USP32: variants seen among roughly 807,000 people sequenced by gnomAD.
The protein encoded by USP32 is ubiquitin specific peptidase 32.
A neutral mutation model predicts 204.8 loss-of-function variants in USP32; 59 were observed. The ratio of observed to expected loss-of-function variants is 0.29; its 90% confidence interval spans 0.23 to 0.36. The LOEUF is 0.36. Ranked by LOEUF, USP32 falls within the 10% of genes least tolerant of loss-of-function variation. The pLI is 1.00. For synonymous variants in USP32, 517 were observed against 678.4 expected (o/e 0.76, Z 3.70); for missense variants, 1,160 against 1,946.4 (o/e 0.60, Z 7.60).
At chr17:60,226,644 A>G (rs1598098268) in intron 12 of USP32, among the ~76,000 whole-genome samples, 1 of 152,342 alleles carries the variant, frequency 6.6e-6, no homozygotes, top group Admixed American at 6.5e-5. Context: ...AAAATATCAC[A>G]TGTACTCAGA....
chr17:60,194,884 A>C (rs535425974), intron 27 of USP32, among the ~76,000 whole-genome samples: 6 of 152,106 alleles, frequency 3.9e-5, no homozygotes, highest in African/African-American at 1.4e-4. Flanking sequence ...CTCTTTACCC[A>C]CTGTCCCTGA....
rs138207619 is a variant in USP32, at chr17:60,205,645, C to T, written c.3051G>A (p.Ser1017=). Residue 1017 remains serine, a synonymous_variant, in exon 26 of 34, where the codon TCG becomes TCA. Transcript: ENST00000300896. ...SSPTQTDFSS[S]PSTNEMFTLT... ...GGGTGAACATTTCATTTGTAGATGG[C>T]GAAGAGGAGAAATCTACAAATTCAA... 1.6e-3 allele frequency: 2,560 copies of T among 1,613,722 alleles called. 38 individuals carry two copies. In the African/African-American group the frequency reaches 0.028, roughly 18 times the overall value.
rs2084810124 is a variant in USP32 at position 60,205,781 on chromosome 17, A to G, written c.3038-123T>C. 4 of 1,133,898 alleles carry G rather than the reference A, an allele frequency of 3.5e-6. No homozygotes were observed. The African/African-American group carries it at 4.8e-5, about 13-fold the overall frequency. 70.2% of individuals were successfully genotyped at this position (1,133,898 alleles called of 1,614,324 possible). ...TTAACACAGGGCAGGGAGAAATCAC[A>G]GTATAAATAATTCTAGATTTATTGG... On this transcript the variant is annotated intron_variant, in intron 25 of 33. Coordinates refer to ENST00000300896, the MANE Select transcript of USP32 (RefSeq NM_032582.4).
chr17:60,179,383 A>G lies in USP32; in HGVS notation c.4687T>C (p.Phe1563Leu), dbSNP rs1365626731. 1 of 1,613,056 alleles carries G rather than the reference A, an allele frequency of 6.2e-7. No individual in the cohort carries two copies. The highest frequency in any genetic ancestry group is 1.3e-5 in the African/African-American group (1 of 74,892). ...TAGTCTATCCCCTGCTGCTCATAGA[A>G]AAGAATGTAGGCAGAGTCGGTGTCA... ...EIDTDSAYIL[F>L]YEQQGIDYAQ... The change falls in exon 34 of 34, where the codon TTC becomes CTC. Residue 1563 changes from phenylalanine (F) to leucine (L), a missense_variant. Around this residue, in one of 8 missense-constraint regions of USP32, gnomAD observed 244 missense variants for 342.3 expected, o/e 0.71. Transcript: ENST00000300896.
intron 2 of USP32, among the ~76,000 whole-genome samples, chr17:60,341,241 G>A (rs1226923161): frequency 6.6e-6 from 1 of 152,046 alleles, no homozygotes; most frequent in Non-Finnish European, 1.5e-5. Flanking sequence ...AAGTTCTCCT[G>A]GATAATATCC....
At chr17:60,332,242 G>A (rs1020982870) in intron 2 of USP32, among the ~76,000 whole-genome samples, 2 of 151,874 alleles carry the variant, frequency 1.3e-5, no homozygotes, top group Non-Finnish European at 2.9e-5. Context: ...GACAGAGCGA[G>A]ATGCTGTCTC....
intron 29 of USP32, among the ~76,000 whole-genome samples, chr17:60,187,594 C>CA (rs2084281541): frequency 6.6e-6 from 1 of 152,172 alleles, no homozygotes; most frequent in Non-Finnish European, 1.5e-5. Context: ...ACTTTATGGC[C>CA]AACCACAAAT....
intron 18 of USP32, 77 bp downstream of exon 18, chr17:60,213,504 T>C (rs1480628601): frequency 4.7e-6 from 3 of 644,028 alleles, no homozygotes; most frequent in East Asian, 2.9e-5. Flanking sequence ...TGGAGAAAAT[T>C]ATAAAATGGG....
intron 2 of USP32, among the ~76,000 whole-genome samples, chr17:60,334,548 C>G (rs914353566): frequency 1.3e-5 from 2 of 150,586 alleles, no homozygotes; most frequent in Admixed American, 6.6e-5. Flanking sequence ...AAAAATTAGC[C>G]GGGCGTGGTT....
At chr17:60,257,845 T>C (rs963563853) in intron 9 of USP32, among the ~76,000 whole-genome samples, 1 of 152,056 alleles carries the variant, frequency 6.6e-6, no homozygotes, top group African/African-American at 2.4e-5. Flanking sequence ...GGAGTTCTGC[T>C]GGTTATCAGT....
At chr17:60,337,549 T>C (rs910001921) in intron 2 of USP32, among the ~76,000 whole-genome samples, 1 of 152,182 alleles carries the variant, frequency 6.6e-6, no homozygotes, top group Non-Finnish European at 1.5e-5. Context: ...CTGGGGCATA[T>C]GTTTTTTTTA....
chr17:60,304,843 A>G (rs564666368), intron 2 of USP32: 1 of 152,350 alleles, frequency 6.6e-6, no homozygotes, highest in Non-Finnish European at 1.5e-5. Context: ...TATTTTTATA[A>G]TAAAAGCAAT....
At chr17:60,211,537 C>A in intron 19 of USP32, 23 bp from the exon 20 acceptor site, 2 of 1,597,198 alleles carry the variant, frequency 1.3e-6, no homozygotes, top group Admixed American at 1.8e-5. Context: ...ATATGAGAAC[C>A]AAAGCTTAGC....
At chr17:60,416,686 T>C (rs889259215) in intron 1 of USP32, among the ~76,000 whole-genome samples, 2 of 152,264 alleles carry the variant, frequency 1.3e-5, no homozygotes, top group Middle Eastern at 3.4e-3. Flanking sequence ...CTACTCCCCA[T>C]GGTTGATAAT....
chr17:60,357,287 C>T (rs555519934), intron 1 of USP32, among the ~76,000 whole-genome samples: 71 of 151,598 alleles, frequency 4.7e-4, no homozygotes, highest in Non-Finnish European at 7.2e-4. Context: ...CCCATCTCTA[C>T]AAAAAATAAA....
At chr17:60,236,052 G>T in intron 12 of USP32, 86 bp downstream of exon 12, 1 of 1,028,574 alleles carries the variant, frequency 9.7e-7, no homozygotes, top group Non-Finnish European at 1.5e-6. Flanking sequence ...TTATTGGCTG[G>T]TAGTCATAGC....
intron 2 of USP32, among the ~76,000 whole-genome samples, chr17:60,303,735 AG>A (rs2087647059): frequency 1.3e-5 from 2 of 152,332 alleles, no homozygotes; most frequent in Admixed American, 6.5e-5. Context: ...CACAGAAAGA[AG>A]GAAAAACCCA....
chr17:60,328,178 C>T (rs147661323), intron 2 of USP32, among the ~76,000 whole-genome samples: 2 of 152,332 alleles, frequency 1.3e-5, no homozygotes, highest in African/African-American at 2.4e-5. Context: ...CACAGCAATC[C>T]ATAGACCAAT....
At chr17:60,252,753 C>T (rs1472188923) in intron 10 of USP32, among the ~76,000 whole-genome samples, 3 of 152,164 alleles carry the variant, frequency 2.0e-5, no homozygotes, top group Admixed American at 2.0e-4. Flanking sequence ...ATTCTTCTGA[C>T]ACTTGCATAT....
Sources: gnomAD v4.1 joint callset for allele counts (sites outside exome capture counted in the v4.1 genomes callset) on GRCh38, gnomAD v4.1.1 for gene constraint, gnomAD v4.1.1 regional missense constraint, MANE v1.5 for transcripts, NCBI Gene and HGNC (gene_info 2026-07-23, HGNC 2026-07-21) for gene names.